DOK6: variants seen among roughly 807,000 people sequenced by gnomAD.
DOK6 encodes docking protein 6.
A neutral mutation model predicts 44.0 loss-of-function variants in DOK6; 22 were observed. The observed-to-expected ratio is 0.50, with a 90% CI of 0.36 to 0.71. The LOEUF is 0.71. Among genes scored for constraint, DOK6 ranks in the 30% least tolerant of loss-of-function variants. The pLI, the probability that DOK6 is intolerant of heterozygous loss-of-function variation, is 0.00. For missense variants in DOK6, 340 were observed against 416.4 expected (o/e 0.82, Z 1.60); for synonymous variants, 166 against 145.5 (o/e 1.14, Z -1.01).
chr18:69,443,432 TTTCTG>T (rs1979191726), intron 1 of DOK6, among the ~76,000 whole-genome samples: 1 of 152,162 alleles, frequency 6.6e-6, no homozygotes, highest in Admixed American at 6.5e-5. Context: ...GTTCTGCAGT[TTTCTG>T]TTCTGCAAAG....
At chr18:69,695,750 G>T (rs992180956) in intron 4 of DOK6, among the ~76,000 whole-genome samples, 6 of 152,278 alleles carry the variant, frequency 3.9e-5, no homozygotes, top group African/African-American at 1.4e-4. Context: ...GAAATTAGCT[G>T]TTAGGAGAGA....
At chr18:69,474,136 T>C (rs937237819) in intron 1 of DOK6, among the ~76,000 whole-genome samples, 1 of 152,198 alleles carries the variant, frequency 6.6e-6, no homozygotes, top group African/African-American at 2.4e-5. Context: ...GATTTTATTA[T>C]ATGTGTCCTT....
intron 7 of DOK6, among the ~76,000 whole-genome samples, chr18:69,819,601 C>T (rs4438406): frequency 0.5 from 75,847 of 151,966 alleles, 20,446 homozygotes; most frequent in East Asian, 0.67. Context: ...CAATGTTATA[C>T]GACAAACCTG....
At chr18:69,782,167 T>G (rs1182047387) in intron 7 of DOK6, among the ~76,000 whole-genome samples, 1 of 151,686 alleles carries the variant, frequency 6.6e-6, no homozygotes, top group Non-Finnish European at 1.5e-5. Context: ...GTGACCAGAG[T>G]TTTTTAAATC....
At chr18:69,740,558 C>G (rs1482774878) in intron 6 of DOK6, among the ~76,000 whole-genome samples, 1 of 152,150 alleles carries the variant, frequency 6.6e-6, no homozygotes, top group Non-Finnish European at 1.5e-5. Context: ...ATTCCAAGAG[C>G]TCTTTCACAT....
intron 5 of DOK6, among the ~76,000 whole-genome samples, chr18:69,699,300 G>A (rs1249253722): frequency 6.6e-6 from 1 of 152,128 alleles, no homozygotes; most frequent in Non-Finnish European, 1.5e-5. Flanking sequence ...TTCTTAAAAT[G>A]AATTCATGGC....
At chr18:69,546,601 C>G (rs962981549) in intron 1 of DOK6, among the ~76,000 whole-genome samples, 1 of 151,582 alleles carries the variant, frequency 6.6e-6, no homozygotes, top group East Asian at 1.9e-4. Flanking sequence ...ATTTCACAGT[C>G]CAAGTTATAT....
intron 3 of DOK6, chr18:69,660,423 C>T (rs1391140017): frequency 6.6e-6 from 1 of 152,192 alleles, no homozygotes; most frequent in African/African-American, 2.4e-5. Flanking sequence ...ACCACTTTCT[C>T]TCATTGTTTC....
intron 6 of DOK6, 26 bp downstream of exon 6, chr18:69,739,129 T>C: frequency 6.2e-7 from 1 of 1,612,356 alleles, no homozygotes; most frequent in Non-Finnish European, 8.5e-7. Flanking sequence ...TGGTAACCTA[T>C]CAGCTTGGAA....
rs572456800 is a variant in DOK6, at chr18:69,846,901, G to C, written c.*5518G>C. 1 of 151,830 alleles carries C rather than the reference G, an allele frequency of 6.6e-6. No homozygotes were observed. Among genetic ancestry groups the C allele is most frequent in the Non-Finnish European group, 1.5e-5 (1 of 67,992 alleles). 9.4% of individuals were successfully genotyped at this position (151,830 alleles called of 1,614,324 possible). A position where few individuals can be genotyped will look rare whatever the true frequency, so the allele number is the denominator to read the frequency against. On this transcript the variant is annotated 3_prime_UTR_variant, in exon 8 of 8. Coordinates refer to ENST00000382713, the MANE Select transcript of DOK6 (RefSeq NM_152721.6). Reference sequence around the variant, plus strand: ...TTACATTATAATACCTTATATATTAGGTTTTTCCTGATAATCTTCAGTAGA... The same window carrying C: ...TTACATTATAATACCTTATATATTACGTTTTTCCTGATAATCTTCAGTAGA...
intron 1 of DOK6, among the ~76,000 whole-genome samples, chr18:69,511,735 AT>A (rs1981371462): frequency 6.6e-6 from 1 of 152,190 alleles, no homozygotes; most frequent in South Asian, 2.1e-4. Context: ...GTCCTGCAAA[AT>A]ATTAAACCAT....
chr18:69,445,823 T>G (rs1979270404), intron 1 of DOK6, among the ~76,000 whole-genome samples: 1 of 152,094 alleles, frequency 6.6e-6, no homozygotes, highest in Non-Finnish European at 1.5e-5. Flanking sequence ...TAGTCCAAGG[T>G]CACAGTGAGC....
chr18:69,722,479 C>T (rs1023728686), intron 5 of DOK6, among the ~76,000 whole-genome samples: 1 of 152,162 alleles, frequency 6.6e-6, no homozygotes, highest in Non-Finnish European at 1.5e-5. Context: ...CGCTTTGGTG[C>T]CTGTCTCAGA....
chr18:69,774,147 T>TGAG (rs1465043813), intron 7 of DOK6, among the ~76,000 whole-genome samples: 1 of 133,902 alleles, frequency 7.5e-6, no homozygotes, highest in African/African-American at 2.7e-5. Context: ...TATATATATA[T>TGAG]ATATATATAA....
chr18:69,605,781 C>CA (rs1213525148), intron 3 of DOK6, among the ~76,000 whole-genome samples: 1 of 151,860 alleles, frequency 6.6e-6, no homozygotes, highest in Non-Finnish European at 1.5e-5. Flanking sequence ...ACCGCTACAT[C>CA]ACACTTAAGA....
intron 1 of DOK6, among the ~76,000 whole-genome samples, chr18:69,422,341 T>A (rs1568252416): frequency 6.6e-6 from 1 of 152,220 alleles, no homozygotes; most frequent in Non-Finnish European, 1.5e-5. Flanking sequence ...TATACTTTAA[T>A]CTCACTTTCA....
At chr18:69,676,720 A>G (rs986223869) in intron 3 of DOK6, among the ~76,000 whole-genome samples, 3 of 152,206 alleles carry the variant, frequency 2.0e-5, no homozygotes, top group Non-Finnish European at 1.5e-5. Context: ...ATTTCTGCAT[A>G]GTAAAATAGC....
intron 1 of DOK6, among the ~76,000 whole-genome samples, chr18:69,478,664 A>G (rs939670243): frequency 6.6e-6 from 1 of 152,168 alleles, no homozygotes; most frequent in East Asian, 1.9e-4. Context: ...ATAAGTTTTA[A>G]TTTACAGAAA....
At chr18:69,403,041 C>T (rs542482417) in intron 1 of DOK6, among the ~76,000 whole-genome samples, 1 of 152,258 alleles carries the variant, frequency 6.6e-6, no homozygotes, top group South Asian at 2.1e-4. Context: ...CTTTGCTTTA[C>T]GACTGGATGC....
Sources: gnomAD v4.1 joint callset for allele counts (sites outside exome capture counted in the v4.1 genomes callset) on GRCh38, gnomAD v4.1.1 for gene constraint, MANE v1.5 for transcripts, NCBI Gene and HGNC (gene_info 2026-07-23, HGNC 2026-07-21) for gene names.